GCNT4: variants seen among roughly 807,000 people sequenced by gnomAD.
GCNT4 encodes the protein beta-1,3-galactosyl-O-glycosyl-glycoprotein beta-1,6-N-acetylglucosaminyltransferase 4.
Under a neutral mutation model 31.3 loss-of-function variants are expected in GCNT4, and 17 were observed. The observed-to-expected ratio is 0.54, with a 90% CI of 0.37 to 0.81. The LOEUF is 0.81. GCNT4 is among the 40% of genes least tolerant of loss of function. The probability of loss-of-function intolerance (pLI) is 0.00; values close to 1 mark genes in which losing one functional copy is unlikely to be tolerated. For synonymous variants in GCNT4, 158 were observed against 190.6 expected (o/e 0.83, Z 1.41); for missense variants, 503 against 525.5 (o/e 0.96, Z 0.42).
rs939675604 is a variant in GCNT4 at position 75,026,415 on chromosome 5, C to A, written c.*2261G>T. 1 of 152,014 alleles carries A rather than the reference C, an allele frequency of 6.6e-6. No individual in the cohort carries two copies. Among genetic ancestry groups the A allele is most frequent in the African/African-American group, 2.4e-5 (1 of 41,392 alleles). 9.4% of individuals were successfully genotyped at this position (152,014 alleles called of 1,614,324 possible). ...ACCCTATTGGCTTAGAAAGAAACCC[C>A]AAATGGGGTTACAGGAGTTTCCTCA... On this transcript the variant is annotated 3_prime_UTR_variant, in exon 4 of 4. Coordinates refer to ENST00000652361, the MANE Select transcript of GCNT4 (RefSeq NM_001366737.1).
intron 2 of GCNT4, among the ~76,000 whole-genome samples, chr5:75,049,956 G>A (rs1038589895): frequency 2.0e-5 from 3 of 152,232 alleles, no homozygotes; most frequent in Non-Finnish European, 4.4e-5. Context: ...CACTTTATGT[G>A]CTTGCATAAT....
chr5:75,054,022 G>C (rs1213364383), upstream of GCNT4, among the ~76,000 whole-genome samples: 1 of 151,838 alleles, frequency 6.6e-6, no homozygotes, highest in East Asian at 1.9e-4. Flanking sequence ...CGCCCAACCA[G>C]ACAGAAGGCA....
At chr5:75,042,378 T>C (rs562797355) in intron 3 of GCNT4, among the ~76,000 whole-genome samples, 1 of 152,242 alleles carries the variant, frequency 6.6e-6, no homozygotes, top group Admixed American at 6.5e-5. Context: ...GGTATGCTTT[T>C]TTTTCCCCCT....
rs551133060 is a variant in GCNT4 at position 75,031,236 on chromosome 5, G to A, written c.-1-1198C>T. Among the ~76,000 whole-genome samples the A allele has an allele frequency of 1.8e-4, 27 of 152,124 alleles. No homozygotes were observed. In the South Asian group the frequency reaches 2.9e-3, roughly 16 times the overall value. On this transcript the variant is annotated intron_variant, in intron 3 of 3. Coordinates refer to ENST00000652361, the MANE Select transcript of GCNT4 (RefSeq NM_001366737.1). ...ACCACAGGTGTGTGCCACCATGCCC[G>A]GCTAATTTTTTCTTTAGTAGGGACG... is the stretch of plus-strand genomic sequence containing the variant.
At chr5:75,023,251 A>G (rs115317052), downstream of GCNT4, among the ~76,000 whole-genome samples, 9,050 of 152,288 alleles carry the variant, frequency 0.059, 295 homozygotes, top group Middle Eastern at 0.12. Context: ...TTTAGGCAAA[A>G]GTCTTGGCTT....
At chr5:75,036,192 A>G (rs976696369) in intron 3 of GCNT4, among the ~76,000 whole-genome samples, 1 of 152,134 alleles carries the variant, frequency 6.6e-6, no homozygotes, top group Admixed American at 6.5e-5. Context: ...GACCCCCTGA[A>G]GTTCAAACCT....
At chr5:75,032,585 A>G (rs368841861) in intron 3 of GCNT4, among the ~76,000 whole-genome samples, 2 of 152,172 alleles carry the variant, frequency 1.3e-5, no homozygotes, top group Non-Finnish European at 2.9e-5. Flanking sequence ...CCAAGTCCAG[A>G]CAGCATCTTT....
At chr5:75,038,314 A>G (rs1006146108) in intron 3 of GCNT4, among the ~76,000 whole-genome samples, 2 of 152,206 alleles carry the variant, frequency 1.3e-5, no homozygotes, top group African/African-American at 4.8e-5. Flanking sequence ...CAGTTCCTGA[A>G]GAAGCCCAGA....
chr5:75,024,020 GA>G (rs1332090438), downstream of GCNT4: 1 of 152,178 alleles, frequency 6.6e-6, no homozygotes, highest in Non-Finnish European at 1.5e-5. Context: ...ATCTGTCTCT[GA>G]AGCCGTTTGT....
intron 3 of GCNT4, among the ~76,000 whole-genome samples, chr5:75,044,988 G>C (rs1743404829): frequency 2.0e-5 from 3 of 152,140 alleles, no homozygotes; most frequent in African/African-American, 7.2e-5. Context: ...TATTTTTTAG[G>C]TCTAGTGTCA....
intron 2 of GCNT4, among the ~76,000 whole-genome samples, chr5:75,049,618 T>C (rs1449905425): frequency 6.6e-6 from 1 of 152,222 alleles, no homozygotes; most frequent in Non-Finnish European, 1.5e-5. Flanking sequence ...ATACAAAACA[T>C]ACATCTCTAA....
At chr5:75,025,115 A>G (rs966933849), downstream of GCNT4, among the ~76,000 whole-genome samples, 15 of 152,244 alleles carry the variant, frequency 9.9e-5, no homozygotes, top group African/African-American at 3.4e-4. Context: ...GGAGAAACCA[A>G]CCTGAAGTAG....
chr5:75,038,250 T>TAATAGAATTCATGTATCTA (rs2149965050), intron 3 of GCNT4, among the ~76,000 whole-genome samples: 1 of 152,274 alleles, frequency 6.6e-6, no homozygotes, highest in Non-Finnish European at 1.5e-5. Context: ...ACCATTCAAA[T>TAATAGAATTCATGTATCTA]AATAGAATTC....
At position 75,029,017 on chromosome 5, in the gene GCNT4, T is replaced by C. The variant is rs1308956898; in HGVS notation, c.1021A>G (p.Thr341Ala). ...GGTATTCCTGGAACCCGAATCAAGGTAGCCCAAAAGTGCTCATCAGGAGAG... is the reference window on the plus strand; with the variant it reads ...GGTATTCCTGGAACCCGAATCAAGGCAGCCCAAAAGTGCTCATCAGGAGAG... Reference protein sequence around the residue: ...TYSPDEHFWATLIRVPGIPGE... With the variant: ...TYSPDEHFWAALIRVPGIPGE... Residue 341 changes from threonine (T) to alanine (A), a missense_variant, in exon 4 of 4, where the codon ACC becomes GCC. Physicochemically the swap from Thr to Ala is moderately conservative, Grantham distance 58. Coordinates refer to ENST00000652361, the MANE Select transcript of GCNT4 (RefSeq NM_001366737.1). The C allele has an allele frequency of 6.2e-7, 1 of 1,614,128 alleles. No homozygotes were observed. The highest frequency in any genetic ancestry group is 2.2e-5 in the East Asian group (1 of 44,874).
chr5:75,040,019 T>C (rs988603209), intron 3 of GCNT4, among the ~76,000 whole-genome samples: 3 of 152,176 alleles, frequency 2.0e-5, no homozygotes, highest in South Asian at 2.1e-4. Flanking sequence ...CATAAAACTC[T>C]AAGCAACACC....
rs3811987 is a variant in GCNT4, at chr5:75,028,723, G to A, written c.1315C>T (p.Pro439Ser). ...CTATCCATAAATAACTTTTCTGAGG[G>A]CAAAGTGATCCAGTCTCTCTGCTGT... Reference protein sequence around the residue: ...EEQQRDWITLPSEKLFMDRNL... With the variant: ...EEQQRDWITLSSEKLFMDRNL... The change falls in exon 4 of 4, where the codon CCC becomes TCC. Residue 439 changes from proline to serine, a missense_variant. Physicochemically the swap from Pro to Ser is moderately conservative, Grantham distance 74. Coordinates refer to ENST00000652361, the MANE Select transcript of GCNT4 (RefSeq NM_001366737.1). The A allele has an allele frequency of 0.3, 479,280 of 1,612,924 alleles. 78,557 individuals carry two copies. The highest frequency in any genetic ancestry group is 0.69 in the African/African-American group (51,716 of 74,894).
At chr5:75,038,143 T>G (rs935393421) in intron 3 of GCNT4, among the ~76,000 whole-genome samples, 3 of 152,120 alleles carry the variant, frequency 2.0e-5, no homozygotes, top group Non-Finnish European at 2.9e-5. Flanking sequence ...CATTTCACAG[T>G]ATATTATGAA....
chr5:75,030,114 C>T lies in GCNT4; in HGVS notation c.-1-76G>A, dbSNP rs182693712. 18 of 1,384,080 alleles carry T rather than the reference C, an allele frequency of 1.3e-5. No homozygotes were observed. The Admixed American group carries it at 1.6e-4, about 12-fold the overall frequency. 85.7% of individuals were successfully genotyped at this position (1,384,080 alleles called of 1,614,324 possible). ...GTCAGTTTATCCAAAATCTACTGGG[C>T]GCCTACCACATACTAGGCAAATGCT... is the stretch of plus-strand genomic sequence containing the variant. On this transcript the variant is annotated intron_variant, in intron 3 of 3. Transcript: ENST00000652361.
At chr5:75,045,457 A>T (rs781436186) in intron 3 of GCNT4, among the ~76,000 whole-genome samples, 4 of 152,164 alleles carry the variant, frequency 2.6e-5, no homozygotes, top group Admixed American at 1.3e-4. Context: ...TGTGTGTCAA[A>T]ATTTCTTCCC....
Sources: gnomAD v4.1 joint callset for allele counts (sites outside exome capture counted in the v4.1 genomes callset) on GRCh38, gnomAD v4.1.1 for gene constraint, MANE v1.5 for transcripts, NCBI Gene and HGNC (gene_info 2026-07-23, HGNC 2026-07-21) for gene names.